RBFOX1: variants seen among roughly 807,000 people sequenced by gnomAD.
RBFOX1 encodes the protein RNA binding fox-1 homolog 1.
A neutral mutation model predicts 57.7 loss-of-function variants in RBFOX1; 8 were observed. That is an observed-to-expected ratio of 0.14 (90% CI 0.08 to 0.25). RBFOX1 has a LOEUF of 0.25. RBFOX1 is among the 10% of genes least tolerant of loss of function. RBFOX1 has a pLI of 1.00. For missense variants in RBFOX1, 611 were observed against 548.5 expected (o/e 1.11, Z -1.14); for synonymous variants, 326 against 222.4 (o/e 1.47, Z -4.15).
chr16:6,918,955 T>C (rs749515048), intron 3 of RBFOX1, among the ~76,000 whole-genome samples: 1 of 152,068 alleles, frequency 6.6e-6, no homozygotes, highest in Non-Finnish European at 1.5e-5. Flanking sequence ...ACACCATTTC[T>C]CCATTTAATA....
At chr16:5,463,047 T>G (rs1329951042) in intron 1 of RBFOX1, among the ~76,000 whole-genome samples, 1 of 152,222 alleles carries the variant, frequency 6.6e-6, no homozygotes, top group Non-Finnish European at 1.5e-5. Context: ...AATGAAAGTA[T>G]TTTTGTGTAT....
intron 1 of RBFOX1, among the ~76,000 whole-genome samples, chr16:5,382,664 A>G (rs748055565): frequency 4.6e-5 from 7 of 152,232 alleles, no homozygotes; most frequent in Non-Finnish European, 7.3e-5. Flanking sequence ...GAACAGCTTC[A>G]ATGAAATTGT....
chr16:5,711,191 C>T (rs59002097), intron 3 of RBFOX1, among the ~76,000 whole-genome samples: 5,299 of 152,272 alleles, frequency 0.035, 304 homozygotes, highest in African/African-American at 0.12. Flanking sequence ...TTGCCCTGTG[C>T]ATGCCATGAT....
intron 4 of RBFOX1, among the ~76,000 whole-genome samples, chr16:7,299,430 A>C (rs1018138220): frequency 6.6e-6 from 1 of 152,150 alleles, no homozygotes; most frequent in African/African-American, 2.4e-5. Context: ...CCCACACCCA[A>C]ACTAGAAAGC....
intron 2 of RBFOX1, among the ~76,000 whole-genome samples, chr16:6,502,976 C>G (rs779714549): frequency 2.0e-5 from 3 of 151,880 alleles, no homozygotes; most frequent in Non-Finnish European, 2.9e-5. Flanking sequence ...AAGATAATAT[C>G]GACTCAGCTG....
chr16:5,983,952 C>T (rs537892530), intron 4 of RBFOX1, among the ~76,000 whole-genome samples: 3 of 144,812 alleles, frequency 2.1e-5, no homozygotes, highest in African/African-American at 7.7e-5. Context: ...TCTTCCTCCT[C>T]TTCTTCTTCT....
At chr16:7,194,144 G>A (rs189154961) in intron 4 of RBFOX1, among the ~76,000 whole-genome samples, 2 of 152,080 alleles carry the variant, frequency 1.3e-5, no homozygotes, top group East Asian at 3.9e-4. Flanking sequence ...TCTTTATTTG[G>A]TACTAGAGTG....
chr16:7,234,712 A>T (rs1469335607), intron 4 of RBFOX1, among the ~76,000 whole-genome samples: 2 of 149,978 alleles, frequency 1.3e-5, no homozygotes, highest in Admixed American at 1.3e-4. Flanking sequence ...TTATATATAT[A>T]AGTTGCTTTC....
chr16:7,367,885 T>TACACACACAC (rs34277471), intron 4 of RBFOX1, among the ~76,000 whole-genome samples: 92 of 148,432 alleles, frequency 6.2e-4, no homozygotes, highest in South Asian at 2.4e-3. Context: ...CATGCGTGCA[T>TACACACACAC]ACACACACAC....
intron 3 of RBFOX1, among the ~76,000 whole-genome samples, chr16:5,722,748 A>G (rs530851700): frequency 1.3e-5 from 2 of 152,264 alleles, no homozygotes; most frequent in Admixed American, 6.5e-5. Flanking sequence ...TGCTTGTAAT[A>G]TTCCCTGCCT....
intron 1 of RBFOX1, among the ~76,000 whole-genome samples, chr16:6,096,365 T>C (rs7501209): frequency 1.9e-3 from 286 of 152,334 alleles, no homozygotes; most frequent in African/African-American, 6.1e-3. Flanking sequence ...TTTAGGACCA[T>C]GTGCACCCCA....
chr16:5,962,034 G>A (rs1416728091), intron 4 of RBFOX1, among the ~76,000 whole-genome samples: 1 of 152,114 alleles, frequency 6.6e-6, no homozygotes, highest in African/African-American at 2.4e-5. Flanking sequence ...TGCATCCATG[G>A]CTCCTGTTCT....
chr16:6,695,712 C>T (rs2060945748), intron 3 of RBFOX1, among the ~76,000 whole-genome samples: 1 of 152,174 alleles, frequency 6.6e-6, no homozygotes, highest in African/African-American at 2.4e-5. Context: ...GAATGACTGT[C>T]ACTTATTTTG....
intron 4 of RBFOX1, among the ~76,000 whole-genome samples, chr16:5,952,909 C>A (rs950322237): frequency 6.6e-6 from 1 of 152,150 alleles, no homozygotes; most frequent in Non-Finnish European, 1.5e-5. Flanking sequence ...GGTTTGTGCT[C>A]AGGATCAAGA....
chr16:6,972,462 A>G (rs1435108320), intron 3 of RBFOX1, among the ~76,000 whole-genome samples: 1 of 152,030 alleles, frequency 6.6e-6, no homozygotes, highest in African/African-American at 2.4e-5. Context: ...TGTGGAATGG[A>G]TACATTGTAT....
At chr16:7,144,417 CTTTTT>C (rs1190886141) in intron 4 of RBFOX1, among the ~76,000 whole-genome samples, 2 of 66,926 alleles carry the variant, frequency 3.0e-5, no homozygotes, top group South Asian at 6.9e-4. Flanking sequence ...TTTCTTTCTT[CTTTTT>C]TTTTTTTTTT....
chr16:6,977,449 T>G (rs1289666249), intron 3 of RBFOX1, among the ~76,000 whole-genome samples: 1 of 152,094 alleles, frequency 6.6e-6, no homozygotes, highest in African/African-American at 2.4e-5. Context: ...CATACACATC[T>G]AGAGGCCAGG....
chr16:5,752,109 A>G (rs192192705), intron 3 of RBFOX1, among the ~76,000 whole-genome samples: 1 of 152,372 alleles, frequency 6.6e-6, no homozygotes, highest in Admixed American at 6.5e-5. Flanking sequence ...GAACGAGATC[A>G]TGTCCTTTGC....
rs907121077 is a variant in RBFOX1, at chr16:6,217,426, A to T, written c.-126-99569A>T. ...CTCTCAGAATTGAGAAAACGTGATA[A>T]TCAAACATTTCAGTATTATCGGGAC... On this transcript the variant is annotated intron_variant, in intron 1 of 15. Transcript: ENST00000550418. 2.6e-5 allele frequency among the ~76,000 whole-genome samples: 4 copies of T among 152,220 alleles called. No individual in the cohort carries two copies. The East Asian group carries it at 5.8e-4, about 22-fold the overall frequency.
Sources: allele counts gnomAD v4.1 joint callset (sites outside exome capture counted in the v4.1 genomes callset), GRCh38; gene constraint gnomAD v4.1.1; transcripts MANE v1.5; gene names NCBI Gene and HGNC (gene_info 2026-07-23, HGNC 2026-07-21).